MARK1: variants seen among roughly 807,000 people sequenced by gnomAD.
MARK1 encodes the protein microtubule affinity regulating kinase 1.
MARK1 carries 40 observed loss-of-function variants against 96.3 expected under a neutral mutation model. That is an observed-to-expected ratio of 0.42 (90% CI 0.32 to 0.54). The LOEUF is 0.54. Among genes scored for constraint, MARK1 ranks in the 20% least tolerant of loss-of-function variants. MARK1 has a pLI of 0.16. For missense variants in MARK1, 719 were observed against 984.6 expected, an observed-to-expected ratio of 0.73 and a Z score of 3.61; for synonymous variants, 317 against 341.2, an observed-to-expected ratio of 0.93 and a Z score of 0.78.
chr1:220,563,880 T>A (rs1228243535), intron 1 of MARK1, among the ~76,000 whole-genome samples: 1 of 152,222 alleles, frequency 6.6e-6, no homozygotes. Context: ...GGAAATATTT[T>A]TAATTTGAAC....
chr1:220,564,824 G>T (rs981094640), intron 1 of MARK1, among the ~76,000 whole-genome samples: 1 of 152,188 alleles, frequency 6.6e-6, no homozygotes, highest in Admixed American at 6.5e-5. Context: ...ATGTTGAAGT[G>T]TAGGGACTTC....
rs1472751027 is a variant in MARK1 at position 220,654,078 on chromosome 1, A to C, written c.1988+726A>C. On this transcript the variant is annotated intron_variant, in intron 16 of 17. Coordinates refer to ENST00000366917, the MANE Select transcript of MARK1 (RefSeq NM_018650.5). The surrounding 1 kb of genome is among the most constrained non-coding windows in gnomAD (Gnocchi z 4.0). Reference sequence around the variant, plus strand: ...GTTAGGTGCAGAACAGAATCTAAAGATAGGTAAGATGGCATCTGTGCCCTC... The same window carrying C: ...GTTAGGTGCAGAACAGAATCTAAAGCTAGGTAAGATGGCATCTGTGCCCTC... 6.6e-6 allele frequency among the ~76,000 whole-genome samples: 1 copy of C among 152,186 alleles called. No individual in the cohort carries two copies. The highest frequency in any genetic ancestry group is 2.4e-5 in the African/African-American group (1 of 41,440).
chr1:220,596,476 A>G (rs1665361427), intron 3 of MARK1, among the ~76,000 whole-genome samples: 1 of 152,172 alleles, frequency 6.6e-6, no homozygotes, highest in Non-Finnish European at 1.5e-5. Flanking sequence ...CTGATAGGTA[A>G]TTTTTAATTA....
intron 1 of MARK1, among the ~76,000 whole-genome samples, chr1:220,563,822 G>C (rs1662852664): frequency 6.6e-6 from 1 of 152,092 alleles, no homozygotes; most frequent in Non-Finnish European, 1.5e-5. Context: ...TTTAATCACT[G>C]TGCTAAAGTC....
intron 1 of MARK1, among the ~76,000 whole-genome samples, chr1:220,556,860 T>A (rs992603465): frequency 2.0e-5 from 3 of 152,044 alleles, no homozygotes; most frequent in African/African-American, 7.2e-5. Flanking sequence ...TTGGAATGAA[T>A]CATAGAGAAA....
chr1:220,547,823 C>T (rs1661604708), intron 1 of MARK1, among the ~76,000 whole-genome samples: 1 of 152,238 alleles, frequency 6.6e-6, no homozygotes, highest in Non-Finnish European at 1.5e-5. Flanking sequence ...GCCTCAGCCT[C>T]CCAAAGTGCT....
chr1:220,570,917 A>G (rs1457973527), intron 1 of MARK1, among the ~76,000 whole-genome samples: 1 of 152,166 alleles, frequency 6.6e-6, no homozygotes, highest in African/African-American at 2.4e-5. Context: ...AGTAGCTTTC[A>G]GAAGGTTTTA....
chr1:220,655,187 T>C (rs1669098017), intron 16 of MARK1, among the ~76,000 whole-genome samples: 1 of 152,184 alleles, frequency 6.6e-6, no homozygotes. Context: ...TTCCCTTGCC[T>C]TTCCCCCAAC....
chr1:220,576,503 G>A (rs923919831), intron 1 of MARK1: 1 of 151,902 alleles, frequency 6.6e-6, no homozygotes, highest in African/African-American at 2.4e-5. Flanking sequence ...TCCTGGAAAA[G>A]TTACATGGCA....
At chr1:220,537,515 C>T (rs1324114114) in intron 1 of MARK1, among the ~76,000 whole-genome samples, 1 of 150,188 alleles carries the variant, frequency 6.7e-6, no homozygotes, top group East Asian at 1.9e-4. Context: ...GGTTCCAAGT[C>T]TTTGCTGTTG....
chr1:220,649,288 A>G (rs933568410), intron 13 of MARK1, among the ~76,000 whole-genome samples: 6 of 152,090 alleles, frequency 3.9e-5, no homozygotes, highest in Non-Finnish European at 7.4e-5. Flanking sequence ...CAGTGATGCA[A>G]TCACAGCTCA....
rs888197438 is a variant in MARK1, at chr1:220,616,672, A to G, written c.552+677A>G. ...AGTTTGGGTTATATTTGAATATATT[A>G]TCCTAAACAGTTGTCAAAAAGTCAA... is the stretch of plus-strand genomic sequence containing the variant. On this transcript the variant is annotated intron_variant, in intron 7 of 17. Transcript: ENST00000366917. Among the ~76,000 whole-genome samples the G allele has an allele frequency of 6.8e-5, 4 of 58,570 alleles. No individual in the cohort carries two copies. The Admixed American group carries it at 7.1e-4, about 10-fold the overall frequency. 38.4% of individuals were successfully genotyped at this position (58,570 alleles called of 152,430 possible). A position where few individuals can be genotyped will look rare whatever the true frequency, so the allele number is the denominator to read the frequency against.
chr1:220,655,668 C>T (rs561420781), intron 16 of MARK1, among the ~76,000 whole-genome samples: 59 of 152,268 alleles, frequency 3.9e-4, no homozygotes, highest in Non-Finnish European at 7.2e-4. Flanking sequence ...CTCTGAACCA[C>T]TATTCATCTT....
chr1:220,546,347 A>G (rs1661491207), intron 1 of MARK1, among the ~76,000 whole-genome samples: 1 of 152,226 alleles, frequency 6.6e-6, no homozygotes, highest in South Asian at 2.1e-4. Context: ...TATTGCGAGT[A>G]TGGTTACAGA....
intron 1 of MARK1, among the ~76,000 whole-genome samples, chr1:220,557,394 C>T (rs778050978): frequency 2.0e-5 from 3 of 151,934 alleles, no homozygotes; most frequent in Admixed American, 2.0e-4. Context: ...TGGTGAAACC[C>T]TGTCTCTGTT....
At chr1:220,543,585 A>G (rs1661289126) in intron 1 of MARK1, among the ~76,000 whole-genome samples, 1 of 152,194 alleles carries the variant, frequency 6.6e-6, no homozygotes, top group Non-Finnish European at 1.5e-5. Context: ...TCTTCTGCGT[A>G]TAAACTTCTG....
chr1:220,614,973 T>A (rs1666658499), intron 6 of MARK1, among the ~76,000 whole-genome samples: 1 of 152,176 alleles, frequency 6.6e-6, no homozygotes, highest in Non-Finnish European at 1.5e-5. Context: ...ATCTCATTTT[T>A]GTCTCCATTT....
chr1:220,648,279 T>C (rs1455400098), intron 13 of MARK1, among the ~76,000 whole-genome samples: 1 of 152,152 alleles, frequency 6.6e-6, no homozygotes, highest in East Asian at 1.9e-4. Flanking sequence ...AACTACAGTT[T>C]AAGAGTCTGC....
At chr1:220,541,936 G>A (rs2786609) in intron 1 of MARK1, among the ~76,000 whole-genome samples, 28,181 of 151,960 alleles carry the variant, frequency 0.19, 3,319 homozygotes, top group East Asian at 0.36. Context: ...ACTATTTTCC[G>A]TCTTGTAGGT....
Sources: allele counts gnomAD v4.1 joint callset (sites outside exome capture counted in the v4.1 genomes callset), GRCh38; gene constraint gnomAD v4.1.1; non-coding constraint Gnocchi (gnomAD v3.1); transcripts MANE v1.5; gene names NCBI Gene and HGNC (gene_info 2026-07-23, HGNC 2026-07-21).